HLA-DQB2: variants seen among roughly 807,000 people sequenced by gnomAD.
HLA-DQB2 encodes the protein major histocompatibility complex, class II, DQ beta 2.
Under a neutral mutation model 29.2 loss-of-function variants are expected in HLA-DQB2, and 24 were observed. The observed-to-expected ratio is 0.82, with a 90% CI of 0.60 to 1.16. The LOEUF is 1.16. HLA-DQB2 is among the 50% of genes most tolerant of loss of function. HLA-DQB2 has a pLI of 0.00. For synonymous variants in HLA-DQB2, 104 were observed against 133.1 expected, an observed-to-expected ratio of 0.78 and a Z score of 1.51; for missense variants, 273 against 343.6, an observed-to-expected ratio of 0.79 and a Z score of 1.62.
At chr6:32,761,527 T>TCCCCG (rs1002416790) in intron 2 of HLA-DQB2, 133 bp downstream of exon 2, 1 of 1,021,730 alleles carries the variant, frequency 9.8e-7, no homozygotes, top group African/African-American at 1.6e-5. Flanking sequence ...AGCCTCCAAA[T>TCCCCG]CCCCGCCACC....
At chr6:32,757,219 C>G in intron 5 of HLA-DQB2, 62 bp downstream of exon 5, 1 of 1,549,432 alleles carries the variant, frequency 6.5e-7, no homozygotes, top group Non-Finnish European at 8.7e-7. Flanking sequence ...GCGGTTTCAC[C>G]ATGGCTCTTC....
Position 32,763,428 on chromosome 6 carries a change from T to G in HLA-DQB2, c.43A>C (p.Thr15Pro), listed in dbSNP as rs572119983. Residue 15 changes from threonine (T) to proline (P), a missense_variant, in exon 1 of 6, where the codon ACC becomes CCC. Transcript: ENST00000437316. ...GTGCTCAGCATCACCAGCATCACGG[T>G]CACAGCTGCTGCCCAAAAGCCTCCA... is the stretch of plus-strand genomic sequence containing the variant. The part of the protein sequence containing the change: ...IPGGFWAAAV[T>P]VMLVMLSTPV... 3.7e-4 allele frequency: 576 copies of G among 1,564,672 alleles called. 1 individual carries two copies. Among genetic ancestry groups the G allele is most frequent in the African/African-American group, 2.7e-3 (198 of 74,086 alleles).
chr6:32,757,170 C>A (rs1302873577), intron 5 of HLA-DQB2, 111 bp downstream of exon 5: 17 of 1,511,948 alleles, frequency 1.1e-5, no homozygotes, highest in Non-Finnish European at 1.5e-5. Flanking sequence ...CAGATGCACA[C>A]CACCACGTCC....
chr6:32,759,673 T>C (rs1764604327), intron 2 of HLA-DQB2, among the ~76,000 whole-genome samples: 1 of 152,240 alleles, frequency 6.6e-6, no homozygotes, highest in Non-Finnish European at 1.5e-5. Flanking sequence ...TTAATTTCCT[T>C]TTAACCCTCA....
At chr6:32,759,989 A>G (rs1396962374) in intron 2 of HLA-DQB2, among the ~76,000 whole-genome samples, 1 of 152,234 alleles carries the variant, frequency 6.6e-6, no homozygotes, top group East Asian at 1.9e-4. Context: ...GACTGAAATA[A>G]CAGTCAGCTA....
rs1179232395 is a variant in HLA-DQB2, at chr6:32,761,945, G to C, written c.98-19C>G. The C allele has an allele frequency of 6.3e-7, 1 of 1,582,198 alleles. No individual in the cohort carries two copies. The highest frequency in any genetic ancestry group is 1.7e-5 in the Admixed American group (1 of 57,402). On this transcript the variant is annotated intron_variant, in intron 1 of 5. Coordinates refer to ENST00000437316, the MANE Select transcript of HLA-DQB2 (RefSeq NM_001300790.2). ...AAATCCTCTGCGGAGAATCACGGCG[G>C]GTCAGTCAGGCCCCAGCACGGCCCT...
At chr6:32,757,150 G>C (rs1254602549) in intron 5 of HLA-DQB2, 131 bp downstream of exon 5, 1 of 1,487,660 alleles carries the variant, frequency 6.7e-7, no homozygotes, top group Non-Finnish European at 9.1e-7. Context: ...CTCCCAAGTA[G>C]CCGGGATTAC....
At chr6:32,757,517 G>A (rs1177118271) in intron 4 of HLA-DQB2, among the ~76,000 whole-genome samples, 1 of 151,310 alleles carries the variant, frequency 6.6e-6, no homozygotes, top group African/African-American at 2.4e-5. Flanking sequence ...TCATAATGGA[G>A]GAAGCTTTTA....
intron 2 of HLA-DQB2, among the ~76,000 whole-genome samples, chr6:32,759,686 A>G (rs889952031): frequency 4.4e-5 from 6 of 137,798 alleles, no homozygotes; most frequent in African/African-American, 1.6e-4. Flanking sequence ...AACCCTCAAG[A>G]TAGTGTAATT....
In HLA-DQB2 at chr6:32,763,456, G is replaced by A; in HGVS notation, c.15C>T (p.Ile5=). 1 of 1,556,570 alleles carries A rather than the reference G, an allele frequency of 6.4e-7. No individual in the cohort carries two copies. The highest frequency in any genetic ancestry group is 8.7e-7 in the Non-Finnish European group (1 of 1,149,628). ...CAGCTGCTGCCCAAAAGCCTCCAGG[G>A]ATCTGCAGAGCCATCTTCCAAGACG... The part of the protein sequence containing the change: MALQ[I]PGGFWAAAVT... The change falls in exon 1 of 6, where the codon ATC becomes ATT. Residue 5 remains isoleucine (I), a synonymous_variant. Coordinates refer to ENST00000437316, the MANE Select transcript of HLA-DQB2 (RefSeq NM_001300790.2).
rs916968118 is a variant in HLA-DQB2, at chr6:32,756,417, G to C, written c.*36C>G. ...GCAGGGGCAGGTGGGCATTACAGAA[G>C]AGTGATGACCAATCCCAGACAAAAG... On this transcript the variant is annotated 3_prime_UTR_variant, in exon 6 of 6. Coordinates refer to ENST00000437316, the MANE Select transcript of HLA-DQB2 (RefSeq NM_001300790.2). 3.2e-6 allele frequency: 4 copies of C among 1,255,334 alleles called. No homozygotes were observed. The Admixed American group carries it at 5.5e-5, about 17-fold the overall frequency. The allele number at this position is 1,255,334 out of a possible 1,614,324, so 77.8% of individuals were successfully genotyped here. A position where few individuals can be genotyped will look rare whatever the true frequency, so the allele number is the denominator to read the frequency against.
chr6:32,756,632 G>A (rs995536958), intron 5 of HLA-DQB2, 166 bp from the exon 6 acceptor site: 2 of 1,415,244 alleles, frequency 1.4e-6, no homozygotes, highest in Admixed American at 2.9e-5. Flanking sequence ...CAGCTCATGA[G>A]GACACAGAAC....
intron 4 of HLA-DQB2, 114 bp downstream of exon 4, chr6:32,757,659 C>A: frequency 1.2e-6 from 1 of 820,124 alleles, no homozygotes; most frequent in South Asian, 1.7e-5. Context: ...GTCCTGTCTC[C>A]TCGCACTTCC....
intron 5 of HLA-DQB2, 128 bp downstream of exon 5, chr6:32,757,153 G>A (rs975575676): frequency 1.0e-4 from 153 of 1,490,688 alleles, no homozygotes; most frequent in Non-Finnish European, 1.1e-4. Context: ...CCAAGTAGCC[G>A]GGATTACAGA....
chr6:32,762,763 T>G (rs1431423041), intron 1 of HLA-DQB2, among the ~76,000 whole-genome samples: 1 of 152,198 alleles, frequency 6.6e-6, no homozygotes, highest in Non-Finnish European at 1.5e-5. Context: ...CAATATGTAT[T>G]ATTTCCCTTC....
At chr6:32,763,059 A>G (rs1230602345) in intron 1 of HLA-DQB2, among the ~76,000 whole-genome samples, 4 of 151,576 alleles carry the variant, frequency 2.6e-5, no homozygotes, top group Non-Finnish European at 5.9e-5. Context: ...GGGGAAATGC[A>G]TATCTTTGGG....
Position 32,762,044 on chromosome 6 carries a change from C to A in HLA-DQB2, c.98-118G>T, listed in dbSNP as rs7768538. On this transcript the variant is annotated intron_variant, in intron 1 of 5. Coordinates refer to ENST00000437316, the MANE Select transcript of HLA-DQB2 (RefSeq NM_001300790.2). ...GGCCAGCAGCTGCGAAACCCGTCCA[C>A]GCGAAATTGAGTTCTTGGCTGGGCC... The A allele has an allele frequency of 0.59, 784,605 of 1,340,726 alleles. 236,528 individuals carry two copies. The highest frequency in any genetic ancestry group is 0.85 in the East Asian group (33,639 of 39,582). The allele number at this position is 1,340,726 out of a possible 1,614,324, so 83.1% of individuals were successfully genotyped here.
At chr6:32,757,056 A>G in intron 5 of HLA-DQB2, 1 of 1,398,844 alleles carries the variant, frequency 7.1e-7, no homozygotes, top group Non-Finnish European at 9.3e-7. Context: ...CTCTAGCTCT[A>G]TCGCCCAGAC....
chr6:32,757,210 C>A (rs185581808), intron 5 of HLA-DQB2, 71 bp downstream of exon 5: 3 of 1,546,326 alleles, frequency 1.9e-6, no homozygotes, highest in East Asian at 4.9e-5. Flanking sequence ...AGTAGAGATG[C>A]GGTTTCACCA....
Sources: gnomAD v4.1 joint callset for allele counts (sites outside exome capture counted in the v4.1 genomes callset) on GRCh38, gnomAD v4.1.1 for gene constraint, MANE v1.5 for transcripts, NCBI Gene and HGNC (gene_info 2026-07-23, HGNC 2026-07-21) for gene names.